PPP6R2: variants seen among roughly 807,000 people sequenced by gnomAD.
PPP6R2 encodes the protein protein phosphatase 6 regulatory subunit 2, also known as serine/threonine-protein phosphatase 6 regulatory subunit 2.
Under a neutral mutation model 100.2 loss-of-function variants are expected in PPP6R2, and 62 were observed. The observed-to-expected ratio is 0.62, with a 90% confidence interval of 0.50 to 0.76. The LOEUF is 0.76. PPP6R2 is among the 30% of genes least tolerant of loss of function. The pLI, the probability that PPP6R2 is intolerant of heterozygous loss-of-function variation, is 0.00. For missense variants in PPP6R2, 1,142 were observed against 1,276.3 expected (o/e 0.89, Z 1.60); for synonymous variants, 525 against 514.7 (o/e 1.02, Z -0.27).
intron 16 of PPP6R2, 44 bp downstream of exon 16, chr22:50,437,647 CT>C: frequency 6.6e-7 from 1 of 1,522,984 alleles, no homozygotes. Context: ...GCGGCTCTCC[CT>C]GCTGCTGAGC....
At chr22:50,384,533 C>A (rs1235233620) in intron 2 of PPP6R2, among the ~76,000 whole-genome samples, 3 of 152,000 alleles carry the variant, frequency 2.0e-5, no homozygotes, top group Admixed American at 6.6e-5. Context: ...CCAGTCTGGG[C>A]GACAGAGCGA....
At chr22:50,410,261 G>A (rs1007626215) in intron 4 of PPP6R2, among the ~76,000 whole-genome samples, 1 of 152,106 alleles carries the variant, frequency 6.6e-6, no homozygotes, top group Non-Finnish European at 1.5e-5. Flanking sequence ...ATCACTGATT[G>A]TGTGAGTGAG....
At chr22:50,375,832 ATTTTTTT>A (rs557118142) in intron 2 of PPP6R2, among the ~76,000 whole-genome samples, 36 of 64,556 alleles carry the variant, frequency 5.6e-4, no homozygotes, top group African/African-American at 1.6e-3. Flanking sequence ...ATCCCTGCAG[ATTTTTTT>A]TTTTTTTTTT....
intron 2 of PPP6R2, among the ~76,000 whole-genome samples, chr22:50,376,566 GCA>G (rs2051606557): frequency 6.6e-6 from 1 of 151,892 alleles, no homozygotes; most frequent in Non-Finnish European, 1.5e-5. Context: ...GGGACTACAG[GCA>G]CACACCACCA....
chr22:50,427,972 G>A (rs1042140893), intron 10 of PPP6R2, among the ~76,000 whole-genome samples: 1 of 152,150 alleles, frequency 6.6e-6, no homozygotes, highest in Admixed American at 6.6e-5. Flanking sequence ...CGCCCACCTT[G>A]GCCTCCCAAA....
chr22:50,371,710 GC>G (rs2050261399), intron 1 of PPP6R2, among the ~76,000 whole-genome samples: 1 of 152,002 alleles, frequency 6.6e-6, no homozygotes, highest in Admixed American at 6.6e-5. Flanking sequence ...CATGATCTCA[GC>G]TCACTGCAAC....
chr22:50,338,703 GTAGGGTGTGTGGT>G, upstream of PPP6R2, among the ~76,000 whole-genome samples: 1 of 144,598 alleles, frequency 6.9e-6, no homozygotes, highest in South Asian at 2.3e-4. Context: ...TGTGGTGTGT[GTAGGGTGTGTGGT>G]GTGTGTGTGG....
intron 10 of PPP6R2, among the ~76,000 whole-genome samples, chr22:50,429,465 A>C (rs2062758325): frequency 6.6e-6 from 1 of 152,198 alleles, no homozygotes; most frequent in Non-Finnish European, 1.5e-5. Context: ...AGCAAATCCC[A>C]CTTTATCCTG....
intron 2 of PPP6R2, among the ~76,000 whole-genome samples, chr22:50,390,998 CAAA>C (rs1159505649): frequency 3.1e-5 from 3 of 97,156 alleles, no homozygotes; most frequent in Non-Finnish European, 4.4e-5. Flanking sequence ...AACTCCGTCT[CAAA>C]AAAAAAAAAA....
At chr22:50,436,282 A>G in intron 13 of PPP6R2, 85 bp from the exon 14 acceptor site, 1 of 1,228,672 alleles carries the variant, frequency 8.1e-7, no homozygotes, top group South Asian at 1.3e-5. Flanking sequence ...TCCCGGACCC[A>G]GGATGCACCT....
At position 50,431,029 on chromosome 22, in the gene PPP6R2, C is replaced by T. The variant is rs1275322828; in HGVS notation, c.1126-144C>T. Reference sequence around the variant, plus strand: ...TAGAGAGATGACCCTCAGGAAAACGCTTAAAACTCCTTCCTAGCTACCCAG... The same window carrying T: ...TAGAGAGATGACCCTCAGGAAAACGTTTAAAACTCCTTCCTAGCTACCCAG... On this transcript the variant is annotated intron_variant, in intron 10 of 23. Transcript: ENST00000612753. This position sits in a 1 kb window ranked among gnomAD's most constrained non-coding sequence, Gnocchi z 4.8. 7 of 704,028 alleles carry T rather than the reference C, an allele frequency of 9.9e-6. No individual in the cohort carries two copies. The East Asian group carries it at 1.2e-4, about 12-fold the overall frequency. 43.6% of individuals were successfully genotyped at this position (704,028 alleles called of 1,614,324 possible).
intron 19 of PPP6R2, among the ~76,000 whole-genome samples, chr22:50,439,117 C>T (rs1229918709): frequency 2.6e-5 from 4 of 152,178 alleles, no homozygotes; most frequent in South Asian, 2.1e-4. Flanking sequence ...CCTTCATGGC[C>T]GACATCTATG....
upstream of PPP6R2, among the ~76,000 whole-genome samples, chr22:50,339,527 G>GGTGT (rs2042344752): frequency 9.0e-6 from 1 of 110,532 alleles, no homozygotes; most frequent in Admixed American, 9.3e-5. Context: ...TGTGGTATGT[G>GGTGT]GTGTGTGGTG....
chr22:50,413,004 A>C (rs1459188449), intron 4 of PPP6R2, among the ~76,000 whole-genome samples: 1 of 138,924 alleles, frequency 7.2e-6, no homozygotes, highest in Admixed American at 7.8e-5. Context: ...CTTGTTGCCC[A>C]GGCTGGAGTG....
chr22:50,358,147 G>C (rs2148270328), intron 1 of PPP6R2, among the ~76,000 whole-genome samples: 1 of 151,894 alleles, frequency 6.6e-6, no homozygotes, highest in East Asian at 1.9e-4. Context: ...TAGAGATGGG[G>C]GTCTCTCTGC....
rs1603429786 is a variant in PPP6R2, at chr22:50,444,973, G to A, written c.*726G>A. The A allele has an allele frequency of 6.6e-6, 1 of 152,660 alleles. No individual in the cohort carries two copies. The highest frequency in any genetic ancestry group is 1.5e-5 in the Non-Finnish European group (1 of 68,192). The allele number at this position is 152,660 out of a possible 1,614,324, so 9.5% of individuals were successfully genotyped here. On this transcript the variant is annotated 3_prime_UTR_variant, in exon 24 of 24. Transcript: ENST00000612753. ...TTCTAGCACTACCGGTCACGGCCAT[G>A]TCGTCCTAGAAGGGTCCAGAAGATT...
At chr22:50,340,234 T>TGTGGAG (rs2042357148), upstream of PPP6R2, among the ~76,000 whole-genome samples, 1 of 76,756 alleles carries the variant, frequency 1.3e-5, no homozygotes, top group Non-Finnish European at 2.8e-5. Context: ...GTATGGTATG[T>TGTGGAG]GGTGTGTGTG....
At chr22:50,335,836 C>T in the PPP6R2 span, among the ~76,000 whole-genome samples, 58 of 143,426 alleles carry the variant, frequency 4.0e-4, 13 homozygotes, top group African/African-American at 1.6e-3. Context: ...CCACCACGCC[C>T]GACTAATTTT....
Position 50,388,271 on chromosome 22 carries a change from G to A in PPP6R2, c.-16-5622G>A, listed in dbSNP as rs1317036906. On this transcript the variant is annotated intron_variant, in intron 2 of 23. Coordinates refer to ENST00000612753, the MANE Select transcript of PPP6R2 (RefSeq NM_001242898.2). ...TAGCTGGGTGTGGTGGCGCATGCCT[G>A]TAGTCCCAGCTACTTGGGAGGCTGA... 3.3e-5 allele frequency among the ~76,000 whole-genome samples: 5 copies of A among 152,088 alleles called. No homozygotes were observed. The South Asian group carries it at 8.3e-4, about 25-fold the overall frequency.
Sources: allele counts gnomAD v4.1 joint callset (sites outside exome capture counted in the v4.1 genomes callset), GRCh38; gene constraint gnomAD v4.1.1; non-coding constraint Gnocchi (gnomAD v3.1); transcripts MANE v1.5; gene names NCBI Gene and HGNC (gene_info 2026-07-23, HGNC 2026-07-21).